ITPKB: variants seen among roughly 807,000 people sequenced by gnomAD.
ITPKB encodes IP3 3-kinase B.
Under a neutral mutation model 69.4 loss-of-function variants are expected in ITPKB, and 13 were observed. That is an observed-to-expected ratio of 0.19 (90% confidence interval 0.12 to 0.30). The LOEUF (loss-of-function observed/expected upper bound fraction) is 0.30. ITPKB is among the 10% of genes least tolerant of loss of function. ITPKB has a pLI of 1.00. For missense variants in ITPKB, 1,240 were observed against 1,250.5 expected (o/e 0.99, Z 0.13); for synonymous variants, 584 against 513.7 (o/e 1.14, Z -1.85).
intron 2 of ITPKB, among the ~76,000 whole-genome samples, chr1:226,657,833 C>G (rs12739464): frequency 6.6e-6 from 1 of 152,112 alleles, no homozygotes; most frequent in African/African-American, 2.4e-5. Flanking sequence ...TCATCTCTCT[C>G]GGACCTGGGG....
Position 226,657,677 on chromosome 1 carries a change from C to A in ITPKB, c.1933-8906G>T, listed in dbSNP as rs192152561. Among the ~76,000 whole-genome samples, 3 of 152,326 alleles carry A rather than the reference C, an allele frequency of 2.0e-5. No homozygotes were observed. In the East Asian group the frequency reaches 5.8e-4, roughly 29 times the overall value. On this transcript the variant is annotated intron_variant, in intron 2 of 7. Coordinates refer to ENST00000429204, the MANE Select transcript of ITPKB (RefSeq NM_002221.4). ...AAGCTAATAGCTCAGGTAACTCTCA[C>A]AACACTGATATTGTTGTCTCCATTT...
At position 226,736,494 on chromosome 1, in the gene ITPKB, G is replaced by A. The variant is rs745402631; in HGVS notation, c.965C>T (p.Ala322Val). ...GGCTCTCCCAGACGGCTCAGTGAGG[G>A]CAAGATCCTGTGGACGGTGTGGCCC... Reference protein sequence around the residue: ...STGPHRPQDLALTEPSGRARE... With the variant: ...STGPHRPQDLVLTEPSGRARE... The change falls in exon 2 of 8, where the codon GCC becomes GTC. Residue 322 changes from alanine to valine, a missense_variant. Coordinates refer to ENST00000429204, the MANE Select transcript of ITPKB (RefSeq NM_002221.4). 1 of 1,614,002 alleles carries A rather than the reference G, an allele frequency of 6.2e-7. No individual in the cohort carries two copies. Among genetic ancestry groups the A allele is most frequent in the South Asian group, 1.1e-5 (1 of 91,088 alleles).
intron 2 of ITPKB, among the ~76,000 whole-genome samples, chr1:226,712,253 CCT>C (rs747017827): frequency 1.6e-4 from 25 of 152,184 alleles, no homozygotes; most frequent in African/African-American, 5.1e-4. Context: ...GCTGCTGCCC[CCT>C]GTCCTGGCAG....
At chr1:226,734,562 T>C (rs1372957164) in intron 2 of ITPKB, among the ~76,000 whole-genome samples, 1 of 152,200 alleles carries the variant, frequency 6.6e-6, no homozygotes, top group Non-Finnish European at 1.5e-5. Context: ...AAATTCCCCA[T>C]GCTCTCTGGA....
Position 226,634,895 on chromosome 1 carries a change from A to G in ITPKB, c.2626-9T>C. On this transcript the variant is annotated splice_polypyrimidine_tract_variant and intron_variant, in intron 7 of 7. Coordinates refer to ENST00000429204, the MANE Select transcript of ITPKB (RefSeq NM_002221.4). The surrounding 1 kb of genome is among the most constrained non-coding windows in gnomAD (Gnocchi z 6.3). The stretch of plus-strand genomic sequence containing the variant: ...AGGGAGCTGCCAATGACCTGAGGAG[A>G]ACATGGGGGTGAAGGGTGAGCTGAA... The G allele has an allele frequency of 4.4e-6, 7 of 1,606,128 alleles. No individual in the cohort carries two copies. The highest frequency in any genetic ancestry group is 4.5e-5 in the East Asian group (2 of 44,700).
chr1:226,667,205 C>A (rs566276576), intron 2 of ITPKB, among the ~76,000 whole-genome samples: 2 of 152,216 alleles, frequency 1.3e-5, no homozygotes, highest in African/African-American at 4.8e-5. Flanking sequence ...TGAGTGTTAC[C>A]CCCACTAGAG....
intron 2 of ITPKB, among the ~76,000 whole-genome samples, chr1:226,733,383 C>A (rs980306688): frequency 6.6e-6 from 1 of 152,166 alleles, no homozygotes; most frequent in East Asian, 1.9e-4. Flanking sequence ...CTTCTGTAGA[C>A]AAAATATCTA....
chr1:226,638,889 A>G (rs1668893370), intron 6 of ITPKB, among the ~76,000 whole-genome samples: 1 of 151,812 alleles, frequency 6.6e-6, no homozygotes, highest in Non-Finnish European at 1.5e-5. Flanking sequence ...CTCTGGAGCT[A>G]TGGGGCCGAT....
chr1:226,670,175 C>CAAAAA (rs35767912), intron 2 of ITPKB, among the ~76,000 whole-genome samples: 1,600 of 31,826 alleles, frequency 0.05, 150 homozygotes, highest in Middle Eastern at 0.071. Context: ...AGCTCCGCCG[C>CAAAAA]AAAAAAAAAA....
chr1:226,736,067 C>A lies in ITPKB; in HGVS notation c.1392G>T (p.Gly464=). 1 of 1,612,970 alleles carries A rather than the reference C, an allele frequency of 6.2e-7. No homozygotes were observed. Among genetic ancestry groups the A allele is most frequent in the Non-Finnish European group, 8.5e-7 (1 of 1,179,800 alleles). The part of the protein sequence containing the change: ...GGSPSAQPGT[G]NVEAGIPSGR... ...CAGAAGGAATTCCCGCCTCCACATT[C>A]CCGGTCCCCGGCTGTGCTGAGGGGC... The change falls in exon 2 of 8, where the codon GGG becomes GGT. Residue 464 remains glycine, a synonymous_variant. Transcript: ENST00000429204.
At chr1:226,719,185 A>G (rs1291358833) in intron 2 of ITPKB, among the ~76,000 whole-genome samples, 1 of 152,224 alleles carries the variant, frequency 6.6e-6, no homozygotes, top group Non-Finnish European at 1.5e-5. Context: ...AGGCTGAGGC[A>G]CTAGAATCAC....
At chr1:226,635,854 AAT>A (rs1005428437) in intron 7 of ITPKB, among the ~76,000 whole-genome samples, 1 of 152,214 alleles carries the variant, frequency 6.6e-6, no homozygotes, top group Non-Finnish European at 1.5e-5. Context: ...CGCTTTCCCA[AAT>A]ATGGCCACAC....
At chr1:226,703,413 G>A (rs998216940) in intron 2 of ITPKB, among the ~76,000 whole-genome samples, 1 of 152,250 alleles carries the variant, frequency 6.6e-6, no homozygotes, top group African/African-American at 2.4e-5. Context: ...CAGGGGCGCG[G>A]CGGGGGATTT....
At chr1:226,684,985 A>G (rs1656173780) in intron 2 of ITPKB, among the ~76,000 whole-genome samples, 1 of 152,210 alleles carries the variant, frequency 6.6e-6, no homozygotes, top group South Asian at 2.1e-4. Context: ...CACAGGTCCT[A>G]CATGGGGAGA....
chr1:226,634,759 T>A lies in ITPKB; in HGVS notation c.2753A>T (p.Glu918Val), dbSNP rs200463975. ...GAGGTAGCCATCCTCCCGGTTCCCC[T>A]CCTGCCAGGGGACGTCATGCTGCAG... is the stretch of plus-strand genomic sequence containing the variant. ...QTLQHDVPWQ[E>V]GNREDGYLSG... Residue 918 changes from glutamate (E) to valine (V), a missense_variant, in exon 8 of 8, where the codon GAG becomes GTG. Glu to Val is a moderately radical substitution (Grantham distance 121). This residue lies in a region of ITPKB where 248 missense variants were observed against 396.7 expected (regional missense o/e 0.63). Coordinates refer to ENST00000429204, the MANE Select transcript of ITPKB (RefSeq NM_002221.4). This position sits in a 1 kb window ranked among gnomAD's most constrained non-coding sequence, Gnocchi z 6.3. 1.4e-6 allele frequency: 2 copies of A among 1,402,026 alleles called. No homozygotes were observed. Among genetic ancestry groups the A allele is most frequent in the East Asian group, 4.6e-5 (2 of 43,890 alleles). 86.8% of individuals were successfully genotyped at this position (1,402,026 alleles called of 1,614,324 possible).
rs1558298745 is a variant in ITPKB at position 226,637,831 on chromosome 1, T to C, written c.2554-81A>G. 1 of 1,039,066 alleles carries C rather than the reference T, an allele frequency of 9.6e-7. No homozygotes were observed. Among genetic ancestry groups the C allele is most frequent in the East Asian group, 2.5e-5 (1 of 40,210 alleles). 64.4% of individuals were successfully genotyped at this position (1,039,066 alleles called of 1,614,324 possible). ...AGAACACCCATGCGGCCTCTAGTGG[T>C]CCCTCCCGTGAATGTGCTTTACCCT... On this transcript the variant is annotated intron_variant, in intron 6 of 7. Coordinates refer to ENST00000429204, the MANE Select transcript of ITPKB (RefSeq NM_002221.4). The surrounding 1 kb of genome is among the most constrained non-coding windows in gnomAD (Gnocchi z 4.3).
intron 2 of ITPKB, among the ~76,000 whole-genome samples, chr1:226,672,907 G>A (rs1669646337): frequency 1.3e-5 from 2 of 152,248 alleles, no homozygotes; most frequent in East Asian, 3.8e-4. Flanking sequence ...GTCCCAGGTG[G>A]AGAACCTGCA....
chr1:226,716,373 T>A (rs182179979), intron 2 of ITPKB, among the ~76,000 whole-genome samples: 1 of 152,210 alleles, frequency 6.6e-6, no homozygotes, highest in Non-Finnish European at 1.5e-5. Context: ...TTCTTTATTT[T>A]TTTCTAAAAA....
Position 226,636,539 on chromosome 1 carries a change from A to G in ITPKB, c.2625+1140T>C, listed in dbSNP as rs376045473. Among the ~76,000 whole-genome samples, 47 of 152,206 alleles carry G rather than the reference A, an allele frequency of 3.1e-4. No individual in the cohort carries two copies. The South Asian group carries it at 9.6e-3, about 31-fold the overall frequency. The stretch of plus-strand genomic sequence containing the variant: ...TGCTGGCTGCCTCAGGGCTGACCCT[A>G]TGAGTTCCTCCTGCTGGCTCCGCAG... On this transcript the variant is annotated intron_variant, in intron 7 of 7. Coordinates refer to ENST00000429204, the MANE Select transcript of ITPKB (RefSeq NM_002221.4).
Sources: gnomAD v4.1 joint callset for allele counts (sites outside exome capture counted in the v4.1 genomes callset) on GRCh38, gnomAD v4.1.1 for gene constraint, gnomAD v4.1.1 regional missense constraint, Gnocchi (gnomAD v3.1) non-coding constraint, MANE v1.5 for transcripts, NCBI Gene and HGNC (gene_info 2026-07-23, HGNC 2026-07-21) for gene names.